TOX3: variants seen among roughly 807,000 people sequenced by gnomAD.
TOX3 encodes the protein TOX high mobility group box family member 3.
A neutral mutation model predicts 64.3 loss-of-function variants in TOX3; 22 were observed. The observed-to-expected ratio is 0.34, with a 90% confidence interval of 0.24 to 0.49. The LOEUF (loss-of-function observed/expected upper bound fraction) is 0.49, where lower values mean the gene tolerates loss of function less well. Ranked by LOEUF, TOX3 falls within the 20% of genes least tolerant of loss-of-function variation. The pLI, the probability that TOX3 is intolerant of heterozygous loss-of-function variation, is 0.99. For synonymous variants in TOX3, 291 were observed against 273.6 expected, an observed-to-expected ratio of 1.06 and a Z score of -0.63; for missense variants, 661 against 714.4, an observed-to-expected ratio of 0.93 and a Z score of 0.85.
chr16:52,450,387 A>G lies in TOX3; in HGVS notation c.568T>C (p.Leu190=). 6.2e-7 allele frequency: 1 copy of G among 1,613,920 alleles called. No homozygotes were observed. The highest frequency in any genetic ancestry group is 1.3e-5 in the African/African-American group (1 of 75,034). Residue 190 remains leucine (L), a synonymous_variant, in exon 4 of 7, where the codon TTG becomes CTG. Transcript: ENST00000219746. ...SQLSAQLGLN[L]GGASMPHTSP... ...GTGTGAGGCATACTGGCACCTCCCA[A>G]ATTCAACCCCAACTGGGCGCTGAGC... is the stretch of plus-strand genomic sequence containing the variant.
In TOX3 at chr16:52,450,461, C is replaced by G. The variant is rs765140161; in HGVS notation, c.494G>C (p.Arg165Pro). Residue 165 changes from arginine (R) to proline (P), a missense_variant, in exon 4 of 7, where the codon CGT becomes CCT. Physicochemically the swap from Arg to Pro is moderately radical, Grantham distance 103. Around this residue, in one of 3 missense-constraint regions of TOX3, gnomAD observed 259 missense variants for 261.2 expected, o/e 0.99. Transcript: ENST00000219746. Reference protein sequence around the residue: ...RSIVHMTDAARSGVMPPAQLT... With the variant: ...RSIVHMTDAAPSGVMPPAQLT... Reference sequence around the variant, plus strand: ...CTGGGCAGGAGGCATGACCCCAGAACGCGCAGCATCGGTCATGTGGACGAT... The same window carrying G: ...CTGGGCAGGAGGCATGACCCCAGAAGGCGCAGCATCGGTCATGTGGACGAT... 7 of 1,613,990 alleles carry G rather than the reference C, an allele frequency of 4.3e-6. No individual in the cohort carries two copies. Among genetic ancestry groups the G allele is most frequent in the Non-Finnish European group, 5.9e-6 (7 of 1,179,886 alleles).
At chr16:52,515,936 T>G (rs945268784) in intron 1 of TOX3, among the ~76,000 whole-genome samples, 24 of 151,454 alleles carry the variant, frequency 1.6e-4, no homozygotes, top group Admixed American at 2.6e-4. Flanking sequence ...AATTACTTTT[T>G]TCTCTTTTCT....
chr16:52,457,650 AATT>A (rs1454187259), intron 3 of TOX3, among the ~76,000 whole-genome samples: 1 of 152,188 alleles, frequency 6.6e-6, no homozygotes, highest in Non-Finnish European at 1.5e-5. Flanking sequence ...TTTTATCTTC[AATT>A]ATTTAGTTAT....
At chr16:52,514,934 C>T (rs1219119115) in intron 1 of TOX3, among the ~76,000 whole-genome samples, 1 of 138,196 alleles carries the variant, frequency 7.2e-6, no homozygotes, top group African/African-American at 2.8e-5. Flanking sequence ...TGGCATGAAC[C>T]CGGGAGGTGG....
At chr16:52,471,678 G>A (rs141100773) in intron 1 of TOX3, among the ~76,000 whole-genome samples, 10 of 152,194 alleles carry the variant, frequency 6.6e-5, no homozygotes, top group Non-Finnish European at 8.8e-5. Context: ...CCTCCTAATC[G>A]CCCATCCTAA....
chr16:52,529,016 T>C (rs1010811808), intron 1 of TOX3, among the ~76,000 whole-genome samples: 4 of 152,172 alleles, frequency 2.6e-5, no homozygotes, highest in Admixed American at 2.6e-4. Flanking sequence ...GACAACAACT[T>C]GGCCACCAGT....
intron 1 of TOX3, among the ~76,000 whole-genome samples, chr16:52,491,032 C>T (rs1329282844): frequency 2.0e-5 from 3 of 152,174 alleles, no homozygotes; most frequent in African/African-American, 4.8e-5. Context: ...TCTGATCATA[C>T]ATGTCACTGT....
chr16:52,530,170 A>C (rs906963298), intron 1 of TOX3, among the ~76,000 whole-genome samples: 2 of 152,204 alleles, frequency 1.3e-5, no homozygotes, highest in Non-Finnish European at 2.9e-5. Flanking sequence ...TGTCAAAACC[A>C]TTACATATGT....
In TOX3 at chr16:52,537,878, T is replaced by TAAAAAAAAAAA. The variant is rs57403617; in HGVS notation, c.87+8748_87+8758dup. On this transcript the variant is annotated intron_variant, in intron 1 of 6. Coordinates refer to ENST00000219746, the MANE Select transcript of TOX3 (RefSeq NM_001080430.4). ...CTTGAGTACAGCCTGGCTGATATGA[T>TAAAAAAAAAAA]AAAAAAAAAAAAAAAAAAAAAAGAA... 2.9e-4 allele frequency among the ~76,000 whole-genome samples: 32 copies of TAAAAAAAAAAA among 110,978 alleles called. 1 individual carries two copies. Among genetic ancestry groups the TAAAAAAAAAAA allele is most frequent in the South Asian group, 6.1e-4 (2 of 3,280 alleles). 72.8% of individuals were successfully genotyped at this position (110,978 alleles called of 152,430 possible).
chr16:52,450,623 T>C lies in TOX3; in HGVS notation c.409-77A>G, dbSNP rs549611295. On this transcript the variant is annotated intron_variant, in intron 3 of 6. Coordinates refer to ENST00000219746, the MANE Select transcript of TOX3 (RefSeq NM_001080430.4). Reference sequence around the variant, plus strand: ...GTGAACTTATCAGGTTAGCATCTCCTTAGATAGGTTTGAACTGTTGCAATG... The same window carrying C: ...GTGAACTTATCAGGTTAGCATCTCCCTAGATAGGTTTGAACTGTTGCAATG... 8.9e-5 allele frequency: 140 copies of C among 1,567,064 alleles called. 1 individual carries two copies. The highest frequency in any genetic ancestry group is 1.2e-4 in the Non-Finnish European group (133 of 1,152,718).
rs550643610 is a variant in TOX3 at position 52,542,260 on chromosome 16, A to G, written c.87+4377T>C. Among the ~76,000 whole-genome samples the G allele has an allele frequency of 1.4e-4, 22 of 152,326 alleles. No individual in the cohort carries two copies. The South Asian group carries it at 3.7e-3, about 26-fold the overall frequency. On this transcript the variant is annotated intron_variant, in intron 1 of 6. Coordinates refer to ENST00000219746, the MANE Select transcript of TOX3 (RefSeq NM_001080430.4). ...TCTACTCCATTCTATTGAACTGTCT[A>G]CATAGTTGGACATGGGAGCAGAACT...
At chr16:52,507,257 A>G (rs1962183763) in intron 1 of TOX3, among the ~76,000 whole-genome samples, 1 of 152,208 alleles carries the variant, frequency 6.6e-6, no homozygotes, top group African/African-American at 2.4e-5. Context: ...CCTGTGTAAA[A>G]GAAATTATCA....
intron 1 of TOX3, among the ~76,000 whole-genome samples, chr16:52,472,093 A>G (rs551885741): frequency 6.6e-6 from 1 of 152,214 alleles, no homozygotes; most frequent in East Asian, 1.9e-4. Context: ...TCCATGGTCC[A>G]GTAAGGTTGG....
intron 4 of TOX3, among the ~76,000 whole-genome samples, chr16:52,448,264 T>C (rs1960224286): frequency 6.6e-6 from 1 of 152,230 alleles, no homozygotes; most frequent in Non-Finnish European, 1.5e-5. Context: ...TGAAGATACA[T>C]TGGCTGTATT....
At chr16:52,531,503 G>A (rs2151484812) in intron 1 of TOX3, among the ~76,000 whole-genome samples, 2 of 152,290 alleles carry the variant, frequency 1.3e-5, no homozygotes, top group Middle Eastern at 3.4e-3. Flanking sequence ...ATTCATATTA[G>A]ATTAACTTAA....
intron 3 of TOX3, among the ~76,000 whole-genome samples, chr16:52,453,553 C>T (rs1960422959): frequency 6.6e-6 from 1 of 152,148 alleles, no homozygotes; most frequent in Non-Finnish European, 1.5e-5. Context: ...CAGGCAAATT[C>T]TAGGGCACAT....
intron 1 of TOX3, among the ~76,000 whole-genome samples, chr16:52,487,614 G>T (rs546654726): frequency 6.6e-6 from 1 of 152,122 alleles, no homozygotes; most frequent in Non-Finnish European, 1.5e-5. Flanking sequence ...CAGGATTAAA[G>T]GATTGTTTTT....
At chr16:52,472,017 A>G (rs2151441797) in intron 1 of TOX3, among the ~76,000 whole-genome samples, 1 of 152,246 alleles carries the variant, frequency 6.6e-6, no homozygotes, top group South Asian at 2.1e-4. Context: ...TTTTTTATCT[A>G]TTTTACTCAA....
intron 1 of TOX3, among the ~76,000 whole-genome samples, chr16:52,476,524 G>T (rs1961212797): frequency 6.6e-6 from 1 of 151,406 alleles, no homozygotes; most frequent in Non-Finnish European, 1.5e-5. Flanking sequence ...TAGCAAAAAT[G>T]GGGCCATCTT....
Sources: allele counts gnomAD v4.1 joint callset (sites outside exome capture counted in the v4.1 genomes callset), GRCh38; gene constraint gnomAD v4.1.1; regional missense constraint gnomAD v4.1.1; transcripts MANE v1.5; gene names NCBI Gene and HGNC (gene_info 2026-07-23, HGNC 2026-07-21).